CPA4: variants seen among roughly 807,000 people sequenced by gnomAD.
The protein encoded by CPA4 is carboxypeptidase A4.
A neutral mutation model predicts 54.7 loss-of-function variants in CPA4; 49 were observed. The ratio of observed to expected loss-of-function variants is 0.90; its 90% CI spans 0.71 to 1.14. The LOEUF (loss-of-function observed/expected upper bound fraction) is 1.14, where lower values mean the gene tolerates loss of function less well. Among genes scored for constraint, CPA4 ranks in the 50% most tolerant of loss-of-function variants. The pLI is 0.00. For missense variants in CPA4, 487 were observed against 525.1 expected (o/e 0.93, Z 0.71); for synonymous variants, 215 against 206.8 (o/e 1.04, Z -0.34).
At chr7:130,317,693 C>A (rs1307340905) in intron 10 of CPA4, among the ~76,000 whole-genome samples, 1 of 152,184 alleles carries the variant, frequency 6.6e-6, no homozygotes, top group African/African-American at 2.4e-5. Flanking sequence ...TCTCAAACTC[C>A]TGGGCTCAAG....
rs527373566 is a variant in CPA4 at position 130,305,740 on chromosome 7, G to A, written c.487-76G>A. ...TATCTTAAATGAATTAAATGAATGGGAGAGAGCTGGAGAGAGGAGAAGTGA... is the reference window on the plus strand; with the variant it reads ...TATCTTAAATGAATTAAATGAATGGAAGAGAGCTGGAGAGAGGAGAAGTGA... On this transcript the variant is annotated intron_variant, in intron 5 of 10. Coordinates refer to ENST00000222482, the MANE Select transcript of CPA4 (RefSeq NM_016352.4). The A allele has an allele frequency of 1.5e-3, 1,481 of 1,000,840 alleles. 8 individuals carry two copies. The highest frequency in any genetic ancestry group is 2.0e-3 in the Non-Finnish European group (1,220 of 623,550). The allele number at this position is 1,000,840 out of a possible 1,614,324, so 62.0% of individuals were successfully genotyped here.
chr7:130,306,532 A>AC (rs1479121400), intron 6 of CPA4, among the ~76,000 whole-genome samples: 1 of 152,144 alleles, frequency 6.6e-6, no homozygotes, highest in Non-Finnish European at 1.5e-5. Flanking sequence ...TAAAGCACGT[A>AC]CCCCAGGACT....
chr7:130,299,233 C>G (rs368114013), intron 2 of CPA4, 37 bp from the exon 3 acceptor site: 2 of 1,604,964 alleles, frequency 1.2e-6, no homozygotes, highest in Non-Finnish European at 1.7e-6. Flanking sequence ...TTTACCTGAA[C>G]GGTCCTTTAA....
Position 130,322,863 on chromosome 7 carries a change from T to A in CPA4, c.*187T>A. On this transcript the variant is annotated 3_prime_UTR_variant, in exon 11 of 11. Transcript: ENST00000222482. ...TGGCAGTGTCCCTGCAAGAACTGGTTCTGCCAGCCTGCTCAATTTTGGTCC... is the reference window on the plus strand; with the variant it reads ...TGGCAGTGTCCCTGCAAGAACTGGTACTGCCAGCCTGCTCAATTTTGGTCC... 1 of 507,482 alleles carries A rather than the reference T, an allele frequency of 2.0e-6. No individual in the cohort carries two copies. 31.4% of individuals were successfully genotyped at this position (507,482 alleles called of 1,614,324 possible).
chr7:130,301,024 A>G, intron 4 of CPA4, 110 bp downstream of exon 4: 1 of 716,872 alleles, frequency 1.4e-6, no homozygotes, highest in South Asian at 1.6e-5. Flanking sequence ...CCCCTCACTG[A>G]GGGGCTAAAA....
At chr7:130,299,637 G>T in intron 3 of CPA4, 1 of 508,310 alleles carries the variant, frequency 2.0e-6, no homozygotes, top group Non-Finnish European at 3.6e-6. Flanking sequence ...TCCTGATTTT[G>T]CTAACTACTA....
intron 10 of CPA4, among the ~76,000 whole-genome samples, chr7:130,314,202 G>T (rs753200118): frequency 2.6e-5 from 4 of 152,190 alleles, no homozygotes; most frequent in Non-Finnish European, 4.4e-5. Context: ...AATGAGAGCG[G>T]TTGCACTGGT....
intron 10 of CPA4, among the ~76,000 whole-genome samples, chr7:130,315,670 C>A (rs182643659): frequency 6.6e-6 from 1 of 152,214 alleles, no homozygotes; most frequent in African/African-American, 2.4e-5. Flanking sequence ...CTCCACCCAT[C>A]CTGACAAGGT....
At chr7:130,314,707 G>T (rs1793962772) in intron 10 of CPA4, among the ~76,000 whole-genome samples, 2 of 152,162 alleles carry the variant, frequency 1.3e-5, no homozygotes, top group Admixed American at 1.3e-4. Context: ...CAGTTATTTG[G>T]GTAGGAGTAA....
intron 5 of CPA4, among the ~76,000 whole-genome samples, chr7:130,305,434 T>C (rs1793804171): frequency 1.3e-5 from 2 of 152,158 alleles, no homozygotes; most frequent in Non-Finnish European, 2.9e-5. Flanking sequence ...AAAACCAAAT[T>C]CATTTATCAT....
rs774502242 is a variant in CPA4, at chr7:130,323,143, A to C, written c.*467A>C. On this transcript the variant is annotated 3_prime_UTR_variant, in exon 11 of 11. Coordinates refer to ENST00000222482, the MANE Select transcript of CPA4 (RefSeq NM_016352.4). The stretch of plus-strand genomic sequence containing the variant: ...TGTAGAATTTCCTTTAATTTCTCGC[A>C]GTCTTCCTGGAAAATATTTTCCTTT... 1.2e-4 allele frequency: 19 copies of C among 153,616 alleles called. No individual in the cohort carries two copies. Among genetic ancestry groups the C allele is most frequent in the Non-Finnish European group, 2.5e-4 (17 of 69,010 alleles). 9.5% of individuals were successfully genotyped at this position (153,616 alleles called of 1,614,324 possible). A position where few individuals can be genotyped will look rare whatever the true frequency, so the allele number is the denominator to read the frequency against.
chr7:130,315,922 G>A (rs1793980858), intron 10 of CPA4, among the ~76,000 whole-genome samples: 1 of 144,814 alleles, frequency 6.9e-6, no homozygotes, highest in African/African-American at 2.9e-5. Flanking sequence ...AGAGGTAAAT[G>A]GCTACTGTGG....
rs772634426 is a variant in CPA4 at position 130,305,814 on chromosome 7, A to T, written c.487-2A>T. On this transcript the variant is annotated splice_acceptor_variant, in intron 5 of 10. Transcript: ENST00000222482. LOFTEE classifies it high-confidence loss of function. Reference sequence around the variant, plus strand: ...TTTTCGAGCCTTTTCTCCCTTCTGCAGTTCAGCACTGGGAAAGGCGTGAGG... The same window carrying T: ...TTTTCGAGCCTTTTCTCCCTTCTGCTGTTCAGCACTGGGAAAGGCGTGAGG... The T allele has an allele frequency of 6.8e-6, 11 of 1,613,344 alleles. No homozygotes were observed. The East Asian group carries it at 2.5e-4, about 36-fold the overall frequency.
At chr7:130,308,140 C>G (rs1793853611) in intron 7 of CPA4, 167 bp from the exon 8 acceptor site, 1 of 632,686 alleles carries the variant, frequency 1.6e-6, no homozygotes. Flanking sequence ...AAATACTCCT[C>G]TCTCTGCAGG....
At chr7:130,313,057 C>T (rs1210642176) in intron 10 of CPA4, among the ~76,000 whole-genome samples, 2 of 152,148 alleles carry the variant, frequency 1.3e-5, no homozygotes, top group African/African-American at 4.8e-5. Flanking sequence ...CCTGCTCTGT[C>T]AATCCAGACC....
chr7:130,318,347 G>C (rs993090376), intron 10 of CPA4, among the ~76,000 whole-genome samples: 16 of 152,304 alleles, frequency 1.1e-4, no homozygotes, highest in Non-Finnish European at 1.2e-4. Context: ...TCATCAGATT[G>C]CTCCAACAGA....
In CPA4 at chr7:130,322,757, C is replaced by T; in HGVS notation, c.*81C>T. ...CCATTGTTAAAGGAGCTCTTTCCTA[C>T]CTGTGTGAGTCAGAGCCCTCTGGGT... On this transcript the variant is annotated 3_prime_UTR_variant, in exon 11 of 11. Coordinates refer to ENST00000222482, the MANE Select transcript of CPA4 (RefSeq NM_016352.4). 7.1e-7 allele frequency: 1 copy of T among 1,411,624 alleles called. No homozygotes were observed. The highest frequency in any genetic ancestry group is 2.0e-5 in the Admixed American group (1 of 50,484). 87.4% of individuals were successfully genotyped at this position (1,411,624 alleles called of 1,614,324 possible). A position where few individuals can be genotyped will look rare whatever the true frequency, so the allele number is the denominator to read the frequency against.
In CPA4 at chr7:130,300,863, A is replaced by G; in HGVS notation, c.333A>G (p.Gln111=). 1 of 1,614,100 alleles carries G rather than the reference A, an allele frequency of 6.2e-7. No individual in the cohort carries two copies. Among genetic ancestry groups the G allele is most frequent in the Non-Finnish European group, 8.5e-7 (1 of 1,179,914 alleles). Residue 111 remains glutamine, a synonymous_variant, in exon 4 of 11, where the codon CAA becomes CAG. Transcript: ENST00000222482. The part of the protein sequence containing the change: ...EDDEMQHNEG[Q]ERSSNNFNYG... ...ATGAAATGCAACACAATGAAGGGCA[A>G]GAACGGAGCAGTAATAACTTCAACT...
chr7:130,308,142 C>T (rs1265179052), intron 7 of CPA4, 165 bp from the exon 8 acceptor site: 6 of 637,152 alleles, frequency 9.4e-6, no homozygotes, highest in African/African-American at 1.8e-5. Context: ...ATACTCCTCT[C>T]TCTGCAGGAG....
Sources: gnomAD v4.1 joint callset for allele counts (sites outside exome capture counted in the v4.1 genomes callset) on GRCh38, gnomAD v4.1.1 for gene constraint, MANE v1.5 for transcripts, NCBI Gene and HGNC (gene_info 2026-07-23, HGNC 2026-07-21) for gene names.